Variants in SP4 observed in about 807,000 individuals in gnomAD.
The protein encoded by SP4 is transcription factor Sp4.
SP4 carries 19 observed loss-of-function variants against 72.8 expected under a neutral mutation model. The ratio of observed to expected loss-of-function variants is 0.26; its 90% CI spans 0.18 to 0.38. The LOEUF (loss-of-function observed/expected upper bound fraction) is 0.38. Among genes scored for constraint, SP4 ranks in the 10% least tolerant of loss-of-function variants. The probability of loss-of-function intolerance (pLI) is 1.00; values close to 1 mark genes in which losing one functional copy is unlikely to be tolerated. For synonymous variants in SP4, 395 were observed against 333.1 expected (o/e 1.19, Z -2.02); for missense variants, 1,008 against 926.3 (o/e 1.09, Z -1.14).
intron 4 of SP4, among the ~76,000 whole-genome samples, chr7:21,481,679 G>C (rs1343275465): frequency 6.6e-6 from 1 of 152,112 alleles, no homozygotes; most frequent in African/African-American, 2.4e-5. Flanking sequence ...CTATGACCAG[G>C]AACGTGAGTC....
chr7:21,431,098 C>A (rs918768018), intron 3 of SP4, among the ~76,000 whole-genome samples: 8 of 152,116 alleles, frequency 5.3e-5, no homozygotes, highest in African/African-American at 1.4e-4. Flanking sequence ...ACAGAGCTTT[C>A]TGATTAGAAT....
chr7:21,489,566 T>C lies in SP4; in HGVS notation c.2107+7443T>C, dbSNP rs1442704619. On this transcript the variant is annotated intron_variant, in intron 5 of 5. Coordinates refer to ENST00000222584, the MANE Select transcript of SP4 (RefSeq NM_003112.5). ...TTTTTCTTTTTTCTTTTTTTTTTTT[T>C]TTTTTTTTTTTGAGATGGAGTCTCG... 7.5e-3 allele frequency among the ~76,000 whole-genome samples: 1,087 copies of C among 144,160 alleles called. 14 individuals are homozygous for C. Among genetic ancestry groups the C allele is most frequent in the African/African-American group, 0.026 (1,015 of 38,862 alleles). The allele number at this position is 144,160 out of a possible 152,430, so 94.6% of individuals were successfully genotyped here. A position where few individuals can be genotyped will look rare whatever the true frequency, so the allele number is the denominator to read the frequency against.
intron 4 of SP4, among the ~76,000 whole-genome samples, chr7:21,480,949 C>CG (rs1335912243): frequency 2.0e-5 from 3 of 152,030 alleles, no homozygotes; most frequent in Admixed American, 2.0e-4. Flanking sequence ...GCTTTTGAAC[C>CG]GGGGGTTGAG....
chr7:21,508,178 C>T (rs1177697769), intron 5 of SP4, among the ~76,000 whole-genome samples: 1 of 152,140 alleles, frequency 6.6e-6, no homozygotes, highest in Non-Finnish European at 1.5e-5. Context: ...CACCTCTGCC[C>T]TCTCGGCTGG....
chr7:21,504,596 A>G (rs1781948462), intron 5 of SP4, among the ~76,000 whole-genome samples: 1 of 152,228 alleles, frequency 6.6e-6, no homozygotes, highest in Non-Finnish European at 1.5e-5. Context: ...TATGATATCT[A>G]AGCAGTTCTG....
intron 3 of SP4, among the ~76,000 whole-genome samples, chr7:21,443,120 G>T (rs186680497): frequency 1.3e-5 from 2 of 152,312 alleles, no homozygotes; most frequent in East Asian, 3.9e-4. Context: ...CCTCATGTGA[G>T]TAGAGTCTGT....
intron 3 of SP4, among the ~76,000 whole-genome samples, chr7:21,467,024 G>A (rs540163686): frequency 2.0e-5 from 3 of 152,220 alleles, no homozygotes; most frequent in Admixed American, 6.5e-5. Flanking sequence ...TGAATGAGAG[G>A]CATAAATGTT....
intron 3 of SP4, among the ~76,000 whole-genome samples, chr7:21,476,204 G>A (rs149547862): frequency 0.052 from 7,858 of 150,162 alleles, 281 homozygotes; most frequent in East Asian, 0.11. Flanking sequence ...AACCCAGGAG[G>A]TGGAGGTTGC....
At chr7:21,451,171 T>A (rs1783586587) in intron 3 of SP4, among the ~76,000 whole-genome samples, 2 of 152,222 alleles carry the variant, frequency 1.3e-5, no homozygotes, top group Admixed American at 1.3e-4. Flanking sequence ...ACCAGTCTAG[T>A]GCTCATATAT....
intron 3 of SP4, among the ~76,000 whole-genome samples, chr7:21,433,982 A>G (rs1782962620): frequency 6.6e-6 from 1 of 152,130 alleles, no homozygotes; most frequent in Non-Finnish European, 1.5e-5. Context: ...AAAGAGTGAG[A>G]CACCAGGAAC....
At chr7:21,486,003 C>T (rs769612627) in intron 5 of SP4, among the ~76,000 whole-genome samples, 29 of 151,872 alleles carry the variant, frequency 1.9e-4, no homozygotes, top group Non-Finnish European at 3.7e-4. Flanking sequence ...TGCTTCCTAA[C>T]GAAAAGCTTG....
chr7:21,430,077 C>T lies in SP4; in HGVS notation c.912C>T (p.Pro304=), dbSNP rs758231110. ...ATGGGAATCAATTAGTTTCCACACC[C>T]ACCAACACCACTACTTCTGCCAGTA... ...TSNGNQLVST[P]TNTTTSASTM... Residue 304 remains proline, a synonymous_variant, in exon 3 of 6, where the codon CCC becomes CCT. Coordinates refer to ENST00000222584, the MANE Select transcript of SP4 (RefSeq NM_003112.5). 7 of 1,614,178 alleles carry T rather than the reference C, an allele frequency of 4.3e-6. No homozygotes were observed. In the East Asian group the frequency reaches 1.3e-4, roughly 31 times the overall value.
intron 3 of SP4, among the ~76,000 whole-genome samples, chr7:21,476,649 T>G (rs941048955): frequency 1.3e-5 from 2 of 152,222 alleles, no homozygotes; most frequent in Non-Finnish European, 2.9e-5. Context: ...TTTTCACTCC[T>G]GTATTTTCTT....
intron 5 of SP4, among the ~76,000 whole-genome samples, chr7:21,495,847 A>G (rs921750236): frequency 1.3e-5 from 2 of 152,110 alleles, no homozygotes; most frequent in Non-Finnish European, 2.9e-5. Context: ...TCAAAATTGG[A>G]AGTAACCCAA....
intron 3 of SP4, among the ~76,000 whole-genome samples, chr7:21,470,766 AAAAG>A (rs1341545106): frequency 3.3e-5 from 5 of 151,418 alleles, no homozygotes; most frequent in African/African-American, 7.2e-5. Flanking sequence ...AAAAAAAAAA[AAAAG>A]CAGAACAAAA....
In SP4 at chr7:21,444,844, C is replaced by G. The variant is rs79418675; in HGVS notation, c.1678+14001C>G. ...ATAAAACAAGTCCGGGTGAATAGGA[C>G]TGTAATCTCCCTTTACAGCTAACCA... On this transcript the variant is annotated intron_variant, in intron 3 of 5. Transcript: ENST00000222584. Among the ~76,000 whole-genome samples, 47 of 152,236 alleles carry G rather than the reference C, an allele frequency of 3.1e-4. No individual in the cohort carries two copies. In the East Asian group the frequency reaches 8.5e-3, roughly 28 times the overall value.
rs1174379368 is a variant in SP4 at position 21,497,434 on chromosome 7, C to G, written c.2108-13588C>G. Among the ~76,000 whole-genome samples, 53 of 152,248 alleles carry G rather than the reference C, an allele frequency of 3.5e-4. 2 individuals carry two copies. Among genetic ancestry groups the G allele is most frequent in the Admixed American group, 3.5e-3 (53 of 15,290 alleles). On this transcript the variant is annotated intron_variant, in intron 5 of 5. Transcript: ENST00000222584. ...TTCAGCCATTTTTCTTGAATAAACA[C>G]TTCCATGGATTGCTGCAAGCCTTGA...
rs1461759536 is a variant in SP4, at chr7:21,433,727, G to T, written c.1678+2884G>T. 3.9e-5 allele frequency among the ~76,000 whole-genome samples: 6 copies of T among 152,188 alleles called. No individual in the cohort carries two copies. In the South Asian group the frequency reaches 6.2e-4, roughly 16 times the overall value. ...AGGTCAAGGCAGGTGGATCACCTGA[G>T]GTTGGGAGTTCGACACCAGCCTGAC... On this transcript the variant is annotated intron_variant, in intron 3 of 5. Transcript: ENST00000222584.
At chr7:21,471,653 G>A (rs1218420123) in intron 3 of SP4, among the ~76,000 whole-genome samples, 3 of 152,206 alleles carry the variant, frequency 2.0e-5, no homozygotes, top group African/African-American at 7.2e-5. Context: ...GGGCAACATA[G>A]TGAGACATAA....
Sources: allele counts gnomAD v4.1 joint callset (sites outside exome capture counted in the v4.1 genomes callset), GRCh38; gene constraint gnomAD v4.1.1; transcripts MANE v1.5; gene names NCBI Gene and HGNC (gene_info 2026-07-23, HGNC 2026-07-21).